Variants in AGBL1 observed in about 807,000 individuals in gnomAD.
The protein encoded by AGBL1 is AGBL carboxypeptidase 1.
In AGBL1, 130 loss-of-function variants were observed where a neutral mutation model predicts 118.9. That is an observed-to-expected ratio of 1.09 (90% CI 0.95 to 1.26). The LOEUF is 1.26. Among genes scored for constraint, AGBL1 ranks in the 50% most tolerant of loss-of-function variants. The pLI, the probability that AGBL1 is intolerant of heterozygous loss-of-function variation, is 0.00. For synonymous variants in AGBL1, 555 were observed against 478.9 expected, an observed-to-expected ratio of 1.16 and a Z score of -2.08; for missense variants, 1,584 against 1,298.1, an observed-to-expected ratio of 1.22 and a Z score of -3.38.
intron 22 of AGBL1, among the ~76,000 whole-genome samples, chr15:86,829,200 A>C (rs1204382234): frequency 6.6e-6 from 1 of 152,118 alleles, no homozygotes; most frequent in Non-Finnish European, 1.5e-5. Flanking sequence ...GTTAAGGATA[A>C]GTTGTTAGAA....
chr15:86,280,201 A>G (rs76560342), intron 16 of AGBL1, among the ~76,000 whole-genome samples: 1,595 of 152,356 alleles, frequency 0.01, 12 homozygotes, highest in Non-Finnish European at 0.016. Flanking sequence ...GCAGGAAGGT[A>G]GATCTTGGGA....
At chr15:86,944,483 G>A (rs2141659573) in intron 23 of AGBL1, among the ~76,000 whole-genome samples, 1 of 152,244 alleles carries the variant, frequency 6.6e-6, no homozygotes, top group East Asian at 1.9e-4. Flanking sequence ...GCTGAGTTAG[G>A]GGACCAATTC....
intron 23 of AGBL1, among the ~76,000 whole-genome samples, chr15:86,973,786 A>T (rs2081135098): frequency 6.6e-6 from 1 of 151,284 alleles, no homozygotes; most frequent in Admixed American, 6.7e-5. Context: ...AATGCATTTT[A>T]CATTTCTGAA....
At chr15:86,157,490 A>G (rs937845804) in intron 4 of AGBL1, among the ~76,000 whole-genome samples, 3 of 152,164 alleles carry the variant, frequency 2.0e-5, no homozygotes, top group Admixed American at 6.5e-5. Context: ...AAATTCCTTC[A>G]GCTGAGTTCT....
intron 24 of AGBL1, among the ~76,000 whole-genome samples, chr15:87,022,037 A>G (rs1329928306): frequency 3.3e-5 from 5 of 152,158 alleles, no homozygotes; most frequent in African/African-American, 9.6e-5. Flanking sequence ...TAGATCCAGA[A>G]GAAAGATAAC....
chr15:86,404,644 G>T (rs1013316768), intron 18 of AGBL1, among the ~76,000 whole-genome samples: 2 of 152,206 alleles, frequency 1.3e-5, no homozygotes, highest in African/African-American at 4.8e-5. Context: ...AAGAATGGAA[G>T]ATACTCTCTG....
intron 5 of AGBL1, among the ~76,000 whole-genome samples, chr15:86,168,576 T>G (rs894976940): frequency 6.6e-6 from 1 of 152,132 alleles, no homozygotes; most frequent in Non-Finnish European, 1.5e-5. Context: ...AGCTCAATAA[T>G]AGGGAATGCT....
chr15:86,191,620 C>G (rs902454126), intron 5 of AGBL1, among the ~76,000 whole-genome samples: 2 of 151,946 alleles, frequency 1.3e-5, no homozygotes, highest in African/African-American at 4.8e-5. Flanking sequence ...AGAATGCCAA[C>G]CGTTGTGAAT....
intron 22 of AGBL1, among the ~76,000 whole-genome samples, chr15:86,822,955 C>T (rs533516676): frequency 4.0e-4 from 61 of 152,190 alleles, no homozygotes; most frequent in South Asian, 1.0e-3. Flanking sequence ...ATCTTAGAGG[C>T]GTTCCTAATA....
chr15:86,989,025 A>G (rs901580133), intron 24 of AGBL1, among the ~76,000 whole-genome samples: 1 of 131,602 alleles, frequency 7.6e-6, no homozygotes, highest in Non-Finnish European at 1.6e-5. Context: ...TTTAAGAGTC[A>G]GAGTCTTGCT....
chr15:86,228,763 G>A (rs1258284346), intron 6 of AGBL1, among the ~76,000 whole-genome samples: 1 of 152,226 alleles, frequency 6.6e-6, no homozygotes, highest in Non-Finnish European at 1.5e-5. Flanking sequence ...GAATATGTGG[G>A]TGTTGGGAAA....
chr15:86,881,989 A>G (rs2079898942), intron 22 of AGBL1, among the ~76,000 whole-genome samples: 2 of 152,182 alleles, frequency 1.3e-5, no homozygotes. Context: ...TGGGGATTAT[A>G]ACTGAACATG....
chr15:86,495,092 C>T (rs2082831311), intron 18 of AGBL1, among the ~76,000 whole-genome samples: 1 of 146,376 alleles, frequency 6.8e-6, no homozygotes, highest in Non-Finnish European at 1.5e-5. Flanking sequence ...TGCGCTCCGT[C>T]TGTCTCGCTC....
At chr15:86,227,787 A>C (rs2078390727) in intron 6 of AGBL1, among the ~76,000 whole-genome samples, 3 of 152,256 alleles carry the variant, frequency 2.0e-5, no homozygotes, top group Non-Finnish European at 1.5e-5. Context: ...AGGTAAGAAC[A>C]CTGAAGGCAG....
At chr15:86,646,371 A>G (rs1208989097) in intron 21 of AGBL1, among the ~76,000 whole-genome samples, 1 of 152,000 alleles carries the variant, frequency 6.6e-6, no homozygotes, top group Admixed American at 6.6e-5. Context: ...GGAATGTTAG[A>G]CCCTAGACAG....
intron 22 of AGBL1, among the ~76,000 whole-genome samples, chr15:86,838,231 T>C (rs1408655464): frequency 6.6e-6 from 1 of 152,186 alleles, no homozygotes; most frequent in Non-Finnish European, 1.5e-5. Context: ...GATTTTACAT[T>C]CTATTCCTGC....
At chr15:86,790,408 T>A (rs2078475215) in intron 22 of AGBL1, among the ~76,000 whole-genome samples, 1 of 151,910 alleles carries the variant, frequency 6.6e-6, no homozygotes, top group Non-Finnish European at 1.5e-5. Context: ...TCCTGTATCT[T>A]TTTTTAAAAA....
chr15:86,488,005 C>A (rs1596179537), intron 18 of AGBL1, among the ~76,000 whole-genome samples: 1 of 152,016 alleles, frequency 6.6e-6, no homozygotes, highest in Non-Finnish European at 1.5e-5. Flanking sequence ...TCAAAGCAAA[C>A]AATAAGAGCA....
At chr15:86,119,726 G>C (rs747606933) in intron 1 of AGBL1, among the ~76,000 whole-genome samples, 57 of 151,798 alleles carry the variant, frequency 3.8e-4, no homozygotes, top group Non-Finnish European at 1.3e-4. Flanking sequence ...GAAACTAGTA[G>C]ATAAAAGTTG....
Sources: gnomAD v4.1 joint callset for allele counts (sites outside exome capture counted in the v4.1 genomes callset) on GRCh38, gnomAD v4.1.1 for gene constraint, MANE v1.5 for transcripts, NCBI Gene and HGNC (gene_info 2026-07-23, HGNC 2026-07-21) for gene names.